The following KANSL1 variants were observed in gnomAD, a reference collection of about 807,000 sequenced individuals.
The protein encoded by KANSL1 is KAT8 regulatory NSL complex subunit 1, also known as MLL1/MLL complex subunit KANSL1.
A neutral mutation model predicts 103.6 loss-of-function variants in KANSL1; 22 were observed. The observed-to-expected ratio is 0.21, with a 90% CI of 0.15 to 0.30. The LOEUF is 0.30. Among genes scored for constraint, KANSL1 ranks in the 10% least tolerant of loss-of-function variants. KANSL1 has a pLI of 1.00. For missense variants in KANSL1, 1,337 were observed against 1,399.8 expected (o/e 0.96, Z 0.72); for synonymous variants, 600 against 527.6 (o/e 1.14, Z -1.88).
chr17:46,212,462 G>T (rs528889848), intron 1 of KANSL1, among the ~76,000 whole-genome samples: 5 of 152,212 alleles, frequency 3.3e-5, no homozygotes, highest in Admixed American at 3.3e-4. Context: ...CTCATAATCC[G>T]CCCACCTCGG....
chr17:46,142,013 C>T (rs1362081521), intron 2 of KANSL1, among the ~76,000 whole-genome samples: 8 of 152,168 alleles, frequency 5.3e-5, no homozygotes, highest in Non-Finnish European at 1.0e-4. Flanking sequence ...CTCAGCCTCC[C>T]GAGCAGCTGG....
At chr17:46,166,340 T>C (rs973322323) in intron 2 of KANSL1, among the ~76,000 whole-genome samples, 2 of 151,968 alleles carry the variant, frequency 1.3e-5, no homozygotes, top group Non-Finnish European at 2.9e-5. Flanking sequence ...GGCAAAACCC[T>C]GCCTCTACTA....
chr17:46,221,532 A>G (rs1160136734), intron 1 of KANSL1: 1 of 148,692 alleles, frequency 6.7e-6, no homozygotes, highest in African/African-American at 2.4e-5. Context: ...AATTTCCATG[A>G]GAACTTCTAA....
upstream of KANSL1, among the ~76,000 whole-genome samples, chr17:46,194,231 T>C (rs1219257552): frequency 6.6e-6 from 1 of 152,284 alleles, no homozygotes; most frequent in African/African-American, 2.4e-5. Context: ...TGTCATGGCT[T>C]GGCAGATCCG....
intron 2 of KANSL1, 197 bp downstream of exon 2, chr17:46,170,658 T>C (rs2046235590): frequency 6.4e-6 from 4 of 624,914 alleles, no homozygotes; most frequent in Non-Finnish European, 1.1e-5. Flanking sequence ...ACTACAACAA[T>C]ACAACCCTAC....
intron 1 of KANSL1, among the ~76,000 whole-genome samples, chr17:46,208,663 C>T (rs115068451): frequency 6.6e-6 from 1 of 150,886 alleles, no homozygotes; most frequent in African/African-American, 2.4e-5. Context: ...TAACATTCAG[C>T]ACCTCAGAAC....
rs199642265 is a variant in KANSL1, at chr17:46,066,742, G to A, written c.1653-10C>T. The A allele has an allele frequency of 1.3e-6, 2 of 1,599,808 alleles. No homozygotes were observed. The highest frequency in any genetic ancestry group is 1.7e-5 in the Admixed American group (1 of 58,724). On this transcript the variant is annotated splice_polypyrimidine_tract_variant and intron_variant, in intron 5 of 14. Coordinates refer to ENST00000432791, the MANE Select transcript of KANSL1 (RefSeq NM_015443.4). ...CAAGACAGGCTGAAGACTATACAAG[G>A]GGAAGGAAGAGTATTCTCAGAACAC...
At chr17:46,151,022 T>A (rs979719199) in intron 2 of KANSL1, among the ~76,000 whole-genome samples, 1 of 152,016 alleles carries the variant, frequency 6.6e-6, no homozygotes. Flanking sequence ...ACAAGTTCAG[T>A]CTACTGTAGA....
intron 3 of KANSL1, chr17:46,088,369 C>T (rs1231030249): frequency 2.0e-5 from 3 of 152,262 alleles, no homozygotes; most frequent in Non-Finnish European, 2.9e-5. Context: ...CCCTGGGCTA[C>T]CTGGAAAAGA....
At chr17:46,103,477 A>G (rs749071151) in intron 2 of KANSL1, among the ~76,000 whole-genome samples, 20 of 152,228 alleles carry the variant, frequency 1.3e-4, no homozygotes, top group Non-Finnish European at 2.6e-4. Context: ...CTAAAAAACA[A>G]TAATTCCTTA....
chr17:46,031,562 CCT>C lies in KANSL1; in HGVS notation c.3230_3231del (p.Glu1077GlyfsTer40). 1 of 1,614,124 alleles carries C rather than the reference CCT, an allele frequency of 6.2e-7. No individual in the cohort carries two copies. ...TSGSKTGRET[E>X]AAPTSPPIVP... ...ACAATGGGAGGCGAGGTGGGCGCTGCCTCTGTCTCCCGGCCAGTCTTGCTGCC... is the reference window on the plus strand; with the variant it reads ...ACAATGGGAGGCGAGGTGGGCGCTGCCTGTCTCCCGGCCAGTCTTGCTGCC... On this transcript the variant is annotated frameshift_variant, in exon 15 of 15. Transcript: ENST00000432791. LOFTEE classifies it high-confidence loss of function.
At chr17:46,134,468 T>TA (rs1282749529) in intron 2 of KANSL1, among the ~76,000 whole-genome samples, 1 of 152,130 alleles carries the variant, frequency 6.6e-6, no homozygotes, top group East Asian at 1.9e-4. Context: ...AACAATCAGA[T>TA]AAAGTCTGAA....
intron 1 of KANSL1, among the ~76,000 whole-genome samples, chr17:46,187,512 C>G (rs1326973798): frequency 6.6e-6 from 1 of 152,186 alleles, no homozygotes; most frequent in East Asian, 1.9e-4. Flanking sequence ...TTTGCATTTC[C>G]TGACCCTCAA....
intron 1 of KANSL1, among the ~76,000 whole-genome samples, chr17:46,184,890 A>C (rs938565127): frequency 7.1e-6 from 1 of 139,918 alleles, no homozygotes; most frequent in African/African-American, 2.8e-5. Context: ...CCCGGGCTGG[A>C]GTGCAGCGGC....
chr17:46,133,027 G>C (rs1418983858), intron 2 of KANSL1, among the ~76,000 whole-genome samples: 1 of 152,168 alleles, frequency 6.6e-6, no homozygotes, highest in East Asian at 1.9e-4. Context: ...TGTTTGTTTA[G>C]GGTCCATTAT....
Position 46,084,697 on chromosome 17 carries a change from TAA to T in KANSL1, c.1432-2157_1432-2156del, listed in dbSNP as rs67108405. The stretch of plus-strand genomic sequence containing the variant: ...AACTCCACCTCAAAATTTTAAAAAT[TAA>T]AAAAAAAAAAAAAAAAAAAAAAAAA... On this transcript the variant is annotated intron_variant, in intron 3 of 14. Coordinates refer to ENST00000432791, the MANE Select transcript of KANSL1 (RefSeq NM_015443.4). Among the ~76,000 whole-genome samples, 567 of 74,518 alleles carry T rather than the reference TAA, an allele frequency of 7.6e-3. 3 individuals are homozygous for T. Among genetic ancestry groups the T allele is most frequent in the African/African-American group, 0.013 (234 of 17,718 alleles). 48.9% of individuals were successfully genotyped at this position (74,518 alleles called of 152,430 possible). A position where few individuals can be genotyped will look rare whatever the true frequency, so the allele number is the denominator to read the frequency against.
intron 2 of KANSL1, among the ~76,000 whole-genome samples, chr17:46,156,454 A>G (rs374906404): frequency 5.9e-5 from 9 of 152,326 alleles, no homozygotes; most frequent in African/African-American, 2.2e-4. Context: ...CCCTAGATCC[A>G]TCTCTTCTCA....
At chr17:46,159,296 A>C (rs1051666564) in intron 2 of KANSL1, among the ~76,000 whole-genome samples, 1 of 152,210 alleles carries the variant, frequency 6.6e-6, no homozygotes, top group African/African-American at 2.4e-5. Flanking sequence ...AAAGTGAGGA[A>C]CTCGAGCCTA....
chr17:46,084,113 TCA>T (rs1046128290), intron 3 of KANSL1, among the ~76,000 whole-genome samples: 2 of 112,910 alleles, frequency 1.8e-5, no homozygotes, highest in Admixed American at 1.9e-4. Context: ...GAATGGCGGC[TCA>T]CACCTGTAAT....
Sources: allele counts gnomAD v4.1 joint callset (sites outside exome capture counted in the v4.1 genomes callset), GRCh38; gene constraint gnomAD v4.1.1; transcripts MANE v1.5; gene names NCBI Gene and HGNC (gene_info 2026-07-23, HGNC 2026-07-21).